The following KCTD1 variants were observed in gnomAD, a reference collection of about 807,000 sequenced individuals.
KCTD1 encodes BTB/POZ domain-containing protein KCTD1.
A neutral mutation model predicts 66.0 loss-of-function variants in KCTD1; 24 were observed. The observed-to-expected ratio is 0.36, with a 90% CI of 0.26 to 0.51. The LOEUF (loss-of-function observed/expected upper bound fraction) is 0.51, where lower values mean the gene tolerates loss of function less well. Ranked by LOEUF, KCTD1 falls within the 20% of genes least tolerant of loss-of-function variation. The pLI, the probability that KCTD1 is intolerant of heterozygous loss-of-function variation, is 0.95. For missense variants in KCTD1, 943 were observed against 1,205.2 expected, an observed-to-expected ratio of 0.78 and a Z score of 3.22; for synonymous variants, 511 against 517.2, an observed-to-expected ratio of 0.99 and a Z score of 0.16.
At chr18:26,620,140 C>A (rs1254622024) in intron 1 of KCTD1, among the ~76,000 whole-genome samples, 1 of 151,932 alleles carries the variant, frequency 6.6e-6, no homozygotes, top group African/African-American at 2.4e-5. Flanking sequence ...CATAATCAGA[C>A]CTTAACACAA....
At chr18:26,494,177 C>T (rs1463632487) in intron 2 of KCTD1, among the ~76,000 whole-genome samples, 2 of 151,846 alleles carry the variant, frequency 1.3e-5, no homozygotes, top group Admixed American at 1.3e-4. Flanking sequence ...TGAGACCAGC[C>T]CTGGCAACAT....
At chr18:26,479,618 C>G (rs982006355) in intron 2 of KCTD1, among the ~76,000 whole-genome samples, 5 of 152,200 alleles carry the variant, frequency 3.3e-5, no homozygotes, top group African/African-American at 1.2e-4. Flanking sequence ...GAGGTGAAAG[C>G]CTCTCAGAGA....
At position 26,620,368 on chromosome 18, in the gene KCTD1, A is replaced by C. The variant is rs1485700944; in HGVS notation, c.-16+8779T>G. On this transcript the variant is annotated intron_variant, in intron 1 of 4. Transcript: ENST00000317932. ...AATCTTAAAAAAAAAAAAAAAAAAA[A>C]AAAAAAAAAAAAAAAAACTATAACA... Among the ~76,000 whole-genome samples, 34 of 131,484 alleles carry C rather than the reference A, an allele frequency of 2.6e-4. 1 individual carries two copies. The highest frequency in any genetic ancestry group is 6.9e-4 in the East Asian group (3 of 4,320). 86.3% of individuals were successfully genotyped at this position (131,484 alleles called of 152,430 possible). A position where few individuals can be genotyped will look rare whatever the true frequency, so the allele number is the denominator to read the frequency against.
intron 1 of KCTD1, among the ~76,000 whole-genome samples, chr18:26,654,311 T>G (rs1988088393): frequency 6.6e-6 from 1 of 152,178 alleles, no homozygotes; most frequent in Non-Finnish European, 1.5e-5. Flanking sequence ...TACGCTTTCA[T>G]CATCATCTAG....
intron 1 of KCTD1, among the ~76,000 whole-genome samples, chr18:26,622,565 G>C (rs893680186): frequency 3.3e-5 from 5 of 152,078 alleles, no homozygotes; most frequent in Admixed American, 6.6e-5. Context: ...ACAGTGAAAG[G>C]GTCAACAAAT....
At chr18:26,582,105 C>CAAATAAAA (rs1986367053) in intron 1 of KCTD1, among the ~76,000 whole-genome samples, 1 of 134,802 alleles carries the variant, frequency 7.4e-6, no homozygotes, top group Non-Finnish European at 1.6e-5. Context: ...CTGTCTCTAC[C>CAAATAAAA]AAAAAAAAAA....
chr18:26,513,130 C>G (rs1983430643), intron 1 of KCTD1, among the ~76,000 whole-genome samples: 1 of 150,248 alleles, frequency 6.7e-6, no homozygotes, highest in Non-Finnish European at 1.5e-5. Flanking sequence ...CTGTGTTGCC[C>G]AGGCTGGAGT....
intron 1 of KCTD1, among the ~76,000 whole-genome samples, chr18:26,513,450 A>G (rs1983460509): frequency 6.6e-6 from 1 of 152,172 alleles, no homozygotes; most frequent in African/African-American, 2.4e-5. Flanking sequence ...TACAAAGATC[A>G]CACTTCTAAC....
intron 1 of KCTD1, among the ~76,000 whole-genome samples, chr18:26,512,315 C>T (rs1183895287): frequency 2.6e-5 from 4 of 152,016 alleles, no homozygotes; most frequent in Non-Finnish European, 5.9e-5. Flanking sequence ...GTTGCCCAGG[C>T]TGGTCTCGAA....
chr18:26,577,341 A>T (rs544679178), intron 1 of KCTD1, among the ~76,000 whole-genome samples: 1 of 152,240 alleles, frequency 6.6e-6, no homozygotes, highest in Non-Finnish European at 1.5e-5. Flanking sequence ...AAATTTTTTG[A>T]AATTTCTTAT....
chr18:26,651,658 C>A (rs560547698), intron 1 of KCTD1, among the ~76,000 whole-genome samples: 20 of 151,800 alleles, frequency 1.3e-4, no homozygotes, highest in Middle Eastern at 6.8e-3. Flanking sequence ...GTGGCGGGCA[C>A]CTGTAGTCCC....
chr18:26,657,229 C>T (rs1265999560), intron 1 of KCTD1: 19 of 667,760 alleles, frequency 2.8e-5, no homozygotes, highest in Non-Finnish European at 3.5e-5. Context: ...CCCGCCGCGG[C>T]GGGCGGCGTG....
intron 1 of KCTD1, among the ~76,000 whole-genome samples, chr18:26,598,272 T>C (rs934337568): frequency 6.6e-6 from 1 of 152,244 alleles, no homozygotes; most frequent in Non-Finnish European, 1.5e-5. Context: ...TATTGTTCCA[T>C]GTATCAGAAC....
At chr18:26,589,850 T>C (rs1367699775) in intron 1 of KCTD1, among the ~76,000 whole-genome samples, 1 of 152,176 alleles carries the variant, frequency 6.6e-6, no homozygotes, top group Non-Finnish European at 1.5e-5. Context: ...TACTATTATA[T>C]GTGTCTGCTG....
At chr18:26,552,121 T>G (rs1985588313), upstream of KCTD1, among the ~76,000 whole-genome samples, 1 of 152,214 alleles carries the variant, frequency 6.6e-6, no homozygotes, top group Admixed American at 6.5e-5. Flanking sequence ...TCTCTTTGTA[T>G]ATTTGTGCTT....
intron 1 of KCTD1, among the ~76,000 whole-genome samples, chr18:26,600,859 C>T (rs192345957): frequency 6.6e-6 from 1 of 152,234 alleles, no homozygotes; most frequent in Non-Finnish European, 1.5e-5. Context: ...CCCAGTGTCC[C>T]TCTGCCCCCT....
chr18:26,641,880 C>G (rs1987840394), upstream of KCTD1, among the ~76,000 whole-genome samples: 1 of 152,168 alleles, frequency 6.6e-6, no homozygotes, highest in African/African-American at 2.4e-5. Flanking sequence ...GGAATCTTCA[C>G]TCATATACAC....
Position 26,547,190 on chromosome 18 carries a change from G to T in KCTD1, c.1347C>A (p.Thr449=), listed in dbSNP as rs964735117. 2.6e-6 allele frequency: 4 copies of T among 1,551,290 alleles called. No homozygotes were observed. The African/African-American group carries it at 4.1e-5, about 16-fold the overall frequency. The change falls in exon 1 of 5, where the codon ACC becomes ACA. Residue 449 remains threonine, a synonymous_variant. Transcript: ENST00000580059. ...TGGAGACGGCGCCGATGCAGTGGTTGGTGTAGGTCTTGGAGAGCTTGGCCG... is the reference window on the plus strand; with the variant it reads ...TGGAGACGGCGCCGATGCAGTGGTTTGTGTAGGTCTTGGAGAGCTTGGCCG... ...SKAAKLSKTY[T]NHCIGAVSIA...
chr18:26,473,760 C>A (rs866947400), intron 3 of KCTD1, among the ~76,000 whole-genome samples: 1 of 152,110 alleles, frequency 6.6e-6, no homozygotes, highest in Non-Finnish European at 1.5e-5. Flanking sequence ...ATTGAGGGGG[C>A]CTTGGGAACT....
Sources: gnomAD v4.1 joint callset for allele counts (sites outside exome capture counted in the v4.1 genomes callset) on GRCh38, gnomAD v4.1.1 for gene constraint, MANE v1.5 for transcripts, NCBI Gene and HGNC (gene_info 2026-07-23, HGNC 2026-07-21) for gene names.